SRGAP1: variants seen among roughly 807,000 people sequenced by gnomAD.
The protein encoded by SRGAP1 is SLIT-ROBO Rho GTPase activating protein 1, also known as SLIT-ROBO Rho GTPase-activating protein 1.
In SRGAP1, 43 loss-of-function variants were observed where a neutral mutation model predicts 121.9. The ratio of observed to expected loss-of-function variants is 0.35; its 90% CI spans 0.28 to 0.46. The LOEUF (loss-of-function observed/expected upper bound fraction) is 0.46, where lower values mean the gene tolerates loss of function less well. Ranked by LOEUF, SRGAP1 falls within the 20% of genes least tolerant of loss-of-function variation. The pLI, the probability that SRGAP1 is intolerant of heterozygous loss-of-function variation, is 1.00. For missense variants in SRGAP1, 1,102 were observed against 1,350.9 expected (o/e 0.82, Z 2.89); for synonymous variants, 447 against 485.4 (o/e 0.92, Z 1.04).
intron 18 of SRGAP1, among the ~76,000 whole-genome samples, chr12:64,116,944 C>G (rs80129760): frequency 0.036 from 5,462 of 152,212 alleles, 354 homozygotes; most frequent in African/African-American, 0.12. Flanking sequence ...ATCAGTGAGG[C>G]AGGGTAAGCA....
chr12:63,920,892 A>G (rs1228583693), intron 1 of SRGAP1, among the ~76,000 whole-genome samples: 1 of 152,192 alleles, frequency 6.6e-6, no homozygotes, highest in African/African-American at 2.4e-5. Flanking sequence ...GAGAAAATGA[A>G]AAGTTTTTTT....
chr12:63,988,068 T>G (rs2136415424), intron 2 of SRGAP1, among the ~76,000 whole-genome samples: 1 of 152,298 alleles, frequency 6.6e-6, no homozygotes, highest in African/African-American at 2.4e-5. Context: ...GGCCATGAGC[T>G]TGACATGGAT....
intron 3 of SRGAP1, among the ~76,000 whole-genome samples, chr12:64,013,670 TA>T (rs2034319557): frequency 6.6e-6 from 1 of 152,140 alleles, no homozygotes; most frequent in Non-Finnish European, 1.5e-5. Flanking sequence ...ACATATACCT[TA>T]TTATGGGGAC....
At chr12:63,964,687 G>A (rs886232751) in intron 1 of SRGAP1, among the ~76,000 whole-genome samples, 5 of 152,126 alleles carry the variant, frequency 3.3e-5, no homozygotes, top group African/African-American at 1.2e-4. Flanking sequence ...CTTGTGGATG[G>A]CTTGAGAGTG....
intron 18 of SRGAP1, among the ~76,000 whole-genome samples, chr12:64,119,503 C>T (rs1264676301): frequency 2.6e-5 from 4 of 152,206 alleles, no homozygotes; most frequent in African/African-American, 9.6e-5. Flanking sequence ...ATATTCCAGT[C>T]CATGAACATA....
chr12:64,012,551 C>CATTTTTTTTTTTTTTTTTT (rs2034281298), intron 3 of SRGAP1, among the ~76,000 whole-genome samples: 1 of 77,662 alleles, frequency 1.3e-5, no homozygotes, highest in Admixed American at 1.8e-4. Context: ...AAGTTATTAT[C>CATTTTTTTTTTTTTTTTTT]TTTTTTTTTT....
chr12:63,966,868 G>C (rs1469224431), intron 1 of SRGAP1, among the ~76,000 whole-genome samples: 1 of 152,140 alleles, frequency 6.6e-6, no homozygotes, highest in South Asian at 2.1e-4. Context: ...TTAGCCTCTG[G>C]TTCCCAGATT....
chr12:63,921,010 C>CT (rs1592947575), intron 1 of SRGAP1, among the ~76,000 whole-genome samples: 1 of 152,214 alleles, frequency 6.6e-6, no homozygotes, highest in African/African-American at 2.4e-5. Flanking sequence ...TGAACAAATG[C>CT]TTTTTTGTCC....
chr12:64,148,684 T>C lies in SRGAP1; in HGVS notation c.*6012T>C, dbSNP rs2037087091. On this transcript the variant is annotated 3_prime_UTR_variant, in exon 22 of 22. Coordinates refer to ENST00000355086, the MANE Select transcript of SRGAP1 (RefSeq NM_020762.4). ...ATGTAAGTTGTGCAAGATTGAATATTGATAAGATATAAAGTTTAAAAAATG... is the reference window on the plus strand; with the variant it reads ...ATGTAAGTTGTGCAAGATTGAATATCGATAAGATATAAAGTTTAAAAAATG... 1 of 152,220 alleles carries C rather than the reference T, an allele frequency of 6.6e-6. No homozygotes were observed. Among genetic ancestry groups the C allele is most frequent in the Non-Finnish European group, 1.5e-5 (1 of 68,032 alleles). The allele number at this position is 152,220 out of a possible 1,614,324, so 9.4% of individuals were successfully genotyped here.
intron 1 of SRGAP1, among the ~76,000 whole-genome samples, chr12:63,894,955 A>T (rs1005364790): frequency 7.9e-6 from 1 of 126,720 alleles, no homozygotes; most frequent in South Asian, 2.5e-4. Flanking sequence ...CCTTTATAGC[A>T]GCAGCAGCAT....
At chr12:63,979,315 G>C (rs1356603408) in intron 1 of SRGAP1, among the ~76,000 whole-genome samples, 1 of 152,050 alleles carries the variant, frequency 6.6e-6, no homozygotes, top group Non-Finnish European at 1.5e-5. Context: ...TGGGATTACA[G>C]GCGTGAGCCA....
intron 1 of SRGAP1, among the ~76,000 whole-genome samples, chr12:63,955,954 C>T (rs891670536): frequency 2.0e-5 from 3 of 152,030 alleles, no homozygotes; most frequent in East Asian, 1.9e-4. Context: ...CAAAAGGCTC[C>T]GTCCGAAAGT....
intron 1 of SRGAP1, among the ~76,000 whole-genome samples, chr12:63,883,975 A>G (rs113274377): frequency 0.011 from 1,602 of 149,692 alleles, 11 homozygotes; most frequent in Non-Finnish European, 0.018. Flanking sequence ...ATGCTTTTCA[A>G]TGCATGCAAT....
At position 64,150,496 on chromosome 12, in the gene SRGAP1, A is replaced by T. The variant is rs367720718; in HGVS notation, c.*7824A>T. 2 of 152,264 alleles carry T rather than the reference A, an allele frequency of 1.3e-5. No homozygotes were observed. Among genetic ancestry groups the T allele is most frequent in the African/African-American group, 4.8e-5 (2 of 41,550 alleles). The allele number at this position is 152,264 out of a possible 1,614,324, so 9.4% of individuals were successfully genotyped here. A position where few individuals can be genotyped will look rare whatever the true frequency, so the allele number is the denominator to read the frequency against. ...CCAAGGAACCCCTTGTGTAAAAATC[A>T]TGTCCCTCTAAATGCAAGTGGATGA... On this transcript the variant is annotated 3_prime_UTR_variant, in exon 22 of 22. Transcript: ENST00000355086.
In SRGAP1 at chr12:64,142,692, A is replaced by G. The variant is rs377053368; in HGVS notation, c.*20A>G. On this transcript the variant is annotated 3_prime_UTR_variant, in exon 22 of 22. Coordinates refer to ENST00000355086, the MANE Select transcript of SRGAP1 (RefSeq NM_020762.4). ...ATGTAAAAACCAGCCAAGCAAGGCC[A>G]TAAAGGGAGGTGACTTAAAAAAGAA... 62 of 1,584,468 alleles carry G rather than the reference A, an allele frequency of 3.9e-5. No homozygotes were observed. The highest frequency in any genetic ancestry group is 1.8e-4 in the Middle Eastern group (1 of 5,480).
rs115050306 is a variant in SRGAP1, at chr12:63,928,050, T to C, written c.68-55897T>C. The stretch of plus-strand genomic sequence containing the variant: ...TATTTTCAGGAACCCACTCAGGATA[T>C]GCTGCTGTAGGAAAAATAGCTGTTT... On this transcript the variant is annotated intron_variant, in intron 1 of 21. Coordinates refer to ENST00000355086, the MANE Select transcript of SRGAP1 (RefSeq NM_020762.4). 5.1e-4 allele frequency among the ~76,000 whole-genome samples: 78 copies of C among 152,300 alleles called. 1 individual carries two copies. Among genetic ancestry groups the C allele is most frequent in the Middle Eastern group, 3.4e-3 (1 of 294 alleles).
Position 64,155,854 on chromosome 12 carries a change from T to G in SRGAP1, c.*13182T>G, listed in dbSNP as rs900355578. 8 of 152,156 alleles carry G rather than the reference T, an allele frequency of 5.3e-5. No homozygotes were observed. The highest frequency in any genetic ancestry group is 3.2e-3 in the Middle Eastern group (1 of 316). 9.4% of individuals were successfully genotyped at this position (152,156 alleles called of 1,614,324 possible). A position where few individuals can be genotyped will look rare whatever the true frequency, so the allele number is the denominator to read the frequency against. On this transcript the variant is annotated 3_prime_UTR_variant, in exon 22 of 22. Coordinates refer to ENST00000355086, the MANE Select transcript of SRGAP1 (RefSeq NM_020762.4). The stretch of plus-strand genomic sequence containing the variant: ...TTCGCCATGTTGGCCAGGCTGGTCT[T>G]GAACTCCTGACCTCAGGTGATCCAC...
At chr12:63,915,113 A>G (rs925637272) in intron 1 of SRGAP1, among the ~76,000 whole-genome samples, 1 of 152,236 alleles carries the variant, frequency 6.6e-6, no homozygotes, top group Non-Finnish European at 1.5e-5. Context: ...AGTCAAATAA[A>G]AGTATATTTG....
At chr12:64,115,502 G>C (rs1368633641) in intron 17 of SRGAP1, among the ~76,000 whole-genome samples, 1 of 152,178 alleles carries the variant, frequency 6.6e-6, no homozygotes, top group Non-Finnish European at 1.5e-5. Flanking sequence ...GCTCACACCT[G>C]TAATCCTGGC....
Sources: allele counts gnomAD v4.1 joint callset (sites outside exome capture counted in the v4.1 genomes callset), GRCh38; gene constraint gnomAD v4.1.1; transcripts MANE v1.5; gene names NCBI Gene and HGNC (gene_info 2026-07-23, HGNC 2026-07-21).